The following IPO5 variants were observed in gnomAD, a reference collection of about 807,000 sequenced individuals.
The protein encoded by IPO5 is importin-5.
In IPO5, 18 loss-of-function variants were observed where a neutral mutation model predicts 143.3. The ratio of observed to expected loss-of-function variants is 0.13; its 90% CI spans 0.09 to 0.19. IPO5 has a LOEUF of 0.19. Among genes scored for constraint, IPO5 ranks in the 10% least tolerant of loss-of-function variants. The probability of loss-of-function intolerance (pLI) is 1.00; values close to 1 mark genes in which losing one functional copy is unlikely to be tolerated. For missense variants in IPO5, 1,013 were observed against 1,336.9 expected, an observed-to-expected ratio of 0.76 and a Z score of 3.78; for synonymous variants, 477 against 465.7, an observed-to-expected ratio of 1.02 and a Z score of -0.31.
At chr13:97,964,145 C>T (rs1486950708) in intron 2 of IPO5, among the ~76,000 whole-genome samples, 1 of 152,150 alleles carries the variant, frequency 6.6e-6, no homozygotes, top group East Asian at 1.9e-4. Flanking sequence ...CTGTAGGCTG[C>T]CTGTTCATTC....
chr13:98,005,435 G>T (rs1039905350), intron 16 of IPO5, among the ~76,000 whole-genome samples: 1 of 151,410 alleles, frequency 6.6e-6, no homozygotes, highest in African/African-American at 2.4e-5. Flanking sequence ...CACCATGTTG[G>T]CCAGGCTGGT....
In IPO5 at chr13:98,022,013, A is replaced by G. The variant is rs377450511; in HGVS notation, c.*191A>G. On this transcript the variant is annotated 3_prime_UTR_variant, in exon 29 of 29. Coordinates refer to ENST00000651721, the MANE Select transcript of IPO5 (RefSeq NM_002271.6). ...AGTTTCCATGGATTTCTACCAGACC[A>G]CTGAAGGAGTTCCTGGAAGCCCTGC... 9.8e-6 allele frequency: 4 copies of G among 407,126 alleles called. No individual in the cohort carries two copies. In the East Asian group the frequency reaches 1.4e-4, roughly 14 times the overall value. The allele number at this position is 407,126 out of a possible 1,614,324, so 25.2% of individuals were successfully genotyped here.
At chr13:97,974,361 C>A (rs1362353843) in intron 3 of IPO5, among the ~76,000 whole-genome samples, 1 of 150,658 alleles carries the variant, frequency 6.6e-6, no homozygotes, top group African/African-American at 2.4e-5. Flanking sequence ...GGCTGGAGTG[C>A]AATGGCACGA....
intron 18 of IPO5, among the ~76,000 whole-genome samples, chr13:98,008,343 ACT>A (rs1487862239): frequency 5.9e-5 from 9 of 151,530 alleles, no homozygotes; most frequent in Non-Finnish European, 8.8e-5. Flanking sequence ...GCTTTCTGTG[ACT>A]CTCACTCAAG....
At chr13:97,992,108 T>C (rs908459284) in intron 9 of IPO5, among the ~76,000 whole-genome samples, 1 of 152,192 alleles carries the variant, frequency 6.6e-6, no homozygotes, top group Non-Finnish European at 1.5e-5. Context: ...GAAAAGATAG[T>C]TTCGTGACAG....
Position 98,000,719 on chromosome 13 carries a change from A to G in IPO5, c.1108+74A>G, listed in dbSNP as rs538352160. 296 of 933,456 alleles carry G rather than the reference A, an allele frequency of 3.2e-4. 2 individuals carry two copies. In the South Asian group the frequency reaches 3.8e-3, roughly 12 times the overall value. 57.8% of individuals were successfully genotyped at this position (933,456 alleles called of 1,614,324 possible). ...AAAGCTTAAATTCTAAGATATGTTT[A>G]GACTGTTAAAAATTAATCTTTGTCT... On this transcript the variant is annotated intron_variant, in intron 13 of 28. Transcript: ENST00000651721.
intron 17 of IPO5, 86 bp downstream of exon 17, chr13:98,006,434 G>C: frequency 1.2e-6 from 1 of 813,468 alleles, no homozygotes; most frequent in South Asian, 1.9e-5. Context: ...GAGTGCAGTG[G>C]CACGATCTCG....
At position 97,985,509 on chromosome 13, in the gene IPO5, C is replaced by G; in HGVS notation, c.260C>G (p.Thr87Ser). ...CCAGCACTTCCCTCTGATGTTCAGACTGCCATCAAGAGTGAGCTACTCATG... is the reference window on the plus strand; with the variant it reads ...CCAGCACTTCCCTCTGATGTTCAGAGTGCCATCAAGAGTGAGCTACTCATG... ...VYPALPSDVQ[T>S]AIKSELLMII... The change falls in exon 6 of 29, where the codon ACT (threonine) becomes AGT (serine). Residue 87 changes from threonine (T) to serine (S), a missense_variant. This residue lies in a region of IPO5 where 328 missense variants were observed against 342.0 expected (regional missense o/e 0.96). Transcript: ENST00000651721. 6.2e-7 allele frequency: 1 copy of G among 1,613,662 alleles called. No homozygotes were observed. The highest frequency in any genetic ancestry group is 8.5e-7 in the Non-Finnish European group (1 of 1,179,592).
In IPO5 at chr13:98,006,156, T is replaced by C. The variant is rs1450486187; in HGVS notation, c.1524T>C (p.Val508=). The C allele has an allele frequency of 6.2e-7, 1 of 1,613,606 alleles. No individual in the cohort carries two copies. Among genetic ancestry groups the C allele is most frequent in the African/African-American group, 1.3e-5 (1 of 74,866 alleles). ...QELIQKGTKL[V]LEQVVTSIAS... ...TGATTCAGAAAGGCACCAAGTTAGT[T>C]TTGGAACAAGTTGTGACATCCATTG... Residue 508 remains valine, a synonymous_variant, in exon 17 of 29, where the codon GTT becomes GTC. Transcript: ENST00000651721.
chr13:98,010,191 A>G lies in IPO5; in HGVS notation c.2022A>G (p.Gly674=). The change falls in exon 20 of 29, where the codon GGA becomes GGG. Residue 674 remains glycine (G), a synonymous_variant. Transcript: ENST00000651721. ...AAAGCTTTGGTATTAAAACTGCAGG[A>G]CTAGAAGAAAAATCAACTGCTTGCC... is the stretch of plus-strand genomic sequence containing the variant. ...DQQSFGIKTA[G]LEEKSTACQM... 6.2e-7 allele frequency: 1 copy of G among 1,614,036 alleles called. No homozygotes were observed. The highest frequency in any genetic ancestry group is 8.5e-7 in the Non-Finnish European group (1 of 1,179,952).
chr13:97,978,855 T>C (rs1886609399), intron 4 of IPO5, among the ~76,000 whole-genome samples: 2 of 152,204 alleles, frequency 1.3e-5, no homozygotes, highest in African/African-American at 2.4e-5. Context: ...TACATCACTT[T>C]GGGGATAGTT....
chr13:97,959,149 G>A (rs968989091), intron 2 of IPO5, among the ~76,000 whole-genome samples: 22 of 151,324 alleles, frequency 1.5e-4, no homozygotes, highest in African/African-American at 5.1e-4. Context: ...TCCAGCCTGG[G>A]TGACACAGCA....
chr13:97,999,142 C>CA (rs556175513), intron 12 of IPO5, among the ~76,000 whole-genome samples: 7 of 151,104 alleles, frequency 4.6e-5, no homozygotes, highest in Non-Finnish European at 7.4e-5. Flanking sequence ...GACTCCATCT[C>CA]AAAAAAAATA....
chr13:97,999,477 T>C (rs557959585), intron 12 of IPO5, among the ~76,000 whole-genome samples: 1 of 152,356 alleles, frequency 6.6e-6, no homozygotes, highest in Non-Finnish European at 1.5e-5. Context: ...TAAGAAACTT[T>C]GTTTTCTAAA....
At chr13:98,015,242 T>TTGTGTGTGTGTGTGTGTGTGTG (rs1179382229) in intron 22 of IPO5, among the ~76,000 whole-genome samples, 4 of 147,724 alleles carry the variant, frequency 2.7e-5, no homozygotes, top group African/African-American at 7.5e-5. Context: ...TAGGAGCTGG[T>TTGTGTGTGTGTGTGTGTGTGTG]TGTGTGTGTG....
In IPO5 at chr13:97,989,093, T is replaced by A. The variant is rs769300860; in HGVS notation, c.396T>A (p.Gly132=). Residue 132 remains glycine, a synonymous_variant, in exon 7 of 29, where the codon GGT becomes GGA. Coordinates refer to ENST00000651721, the MANE Select transcript of IPO5 (RefSeq NM_002271.6). ...DEDGNNQWPE[G]LKFLFDSVSS... ...ATGGCAATAACCAGTGGCCCGAAGGTTTGAAGTTCCTTTTTGATTCAGTCA... is the reference window on the plus strand; with the variant it reads ...ATGGCAATAACCAGTGGCCCGAAGGATTGAAGTTCCTTTTTGATTCAGTCA... 2 of 1,613,550 alleles carry A rather than the reference T, an allele frequency of 1.2e-6. No individual in the cohort carries two copies. The highest frequency in any genetic ancestry group is 1.7e-6 in the Non-Finnish European group (2 of 1,179,526).
At chr13:97,979,853 A>G in intron 4 of IPO5, 1 of 456,422 alleles carries the variant, frequency 2.2e-6, no homozygotes, top group South Asian at 1.5e-5. Flanking sequence ...TAGACAGAGG[A>G]TAACATTGAA....
intron 21 of IPO5, among the ~76,000 whole-genome samples, chr13:98,012,801 A>ATTTTTTTTTTTTTTTTTTTTT: frequency 1.8e-5 from 2 of 109,158 alleles, no homozygotes; most frequent in African/African-American, 3.4e-5. Flanking sequence ...GCTAGATTTG[A>ATTTTTTTTTTTTTTTTTTTTT]TTTTTTTTTT....
At chr13:97,989,021 C>T in intron 6 of IPO5, 41 bp from the exon 7 acceptor site, 1 of 1,165,878 alleles carries the variant, frequency 8.6e-7, no homozygotes, top group Non-Finnish European at 1.3e-6. Flanking sequence ...TATTGAAGTT[C>T]TGACTTACAC....
Sources: allele counts gnomAD v4.1 joint callset (sites outside exome capture counted in the v4.1 genomes callset), GRCh38; gene constraint gnomAD v4.1.1; regional missense constraint gnomAD v4.1.1; transcripts MANE v1.5; gene names NCBI Gene and HGNC (gene_info 2026-07-23, HGNC 2026-07-21).